The following GPATCH8 variants were observed in gnomAD, a reference collection of about 807,000 sequenced individuals.
The protein encoded by GPATCH8 is G-patch domain containing 8.
GPATCH8 carries 18 observed loss-of-function variants against 118.3 expected under a neutral mutation model. The observed-to-expected ratio is 0.15, with a 90% CI of 0.11 to 0.23. The LOEUF is 0.23. Among genes scored for constraint, GPATCH8 ranks in the 10% least tolerant of loss-of-function variants. The pLI is 1.00. For synonymous variants in GPATCH8, 659 were observed against 684.7 expected (o/e 0.96, Z 0.59); for missense variants, 1,631 against 1,873.8 (o/e 0.87, Z 2.39).
intron 6 of GPATCH8, among the ~76,000 whole-genome samples, chr17:44,414,564 C>T (rs1315614502): frequency 1.3e-5 from 2 of 152,214 alleles, no homozygotes; most frequent in East Asian, 3.8e-4. Flanking sequence ...CTGCCTTGGC[C>T]TCCCAAAGTG....
At chr17:44,447,662 A>C (rs34296662) in intron 3 of GPATCH8, among the ~76,000 whole-genome samples, 6,170 of 148,614 alleles carry the variant, frequency 0.042, 417 homozygotes, top group African/African-American at 0.15. Flanking sequence ...TCTATGGCTC[A>C]GGCTGGAGAT....
At chr17:44,428,879 T>C (rs781645233) in intron 5 of GPATCH8, among the ~76,000 whole-genome samples, 3 of 151,702 alleles carry the variant, frequency 2.0e-5, no homozygotes, top group South Asian at 2.1e-4. Flanking sequence ...CGCTGGCTCA[T>C]GCCTGTAATC....
rs771690850 is a variant in GPATCH8 at position 44,399,418 on chromosome 17, G to A, written c.2659C>T (p.Arg887Cys). 2.2e-5 allele frequency: 35 copies of A among 1,613,754 alleles called. 1 individual carries two copies. The South Asian group carries it at 2.6e-4, about 12-fold the overall frequency. ...CTGTAGCTGTCATCAGAGTAACTGC[G>A]CTGTCTACTATAGCAGCTCTGGTCT... ...SSDQSCYSRQ[R>C]SYSDDSYSDY... Residue 887 changes from arginine (R) to cysteine (C), a missense_variant, in exon 8 of 8, where the codon CGC (arginine) becomes TGC (cysteine). Physicochemically the swap from Arg to Cys is radical, Grantham distance 180. Around this residue, in one of 8 missense-constraint regions of GPATCH8, gnomAD observed 922 missense variants for 879.7 expected, o/e 1.05. Coordinates refer to ENST00000591680, the MANE Select transcript of GPATCH8 (RefSeq NM_001002909.4).
intron 3 of GPATCH8, among the ~76,000 whole-genome samples, chr17:44,453,498 G>GTGTGTGT (rs1298562128): frequency 0.016 from 2,084 of 130,116 alleles, 61 homozygotes; most frequent in Middle Eastern, 0.019. Flanking sequence ...TAGGTAGGTA[G>GTGTGTGT]GGGTGTGTGT....
intron 6 of GPATCH8, among the ~76,000 whole-genome samples, chr17:44,416,158 C>T (rs997237278): frequency 1.4e-4 from 21 of 152,248 alleles, no homozygotes; most frequent in Non-Finnish European, 1.6e-4. Context: ...TGTGCCACCA[C>T]GCCCAGCTAA....
chr17:44,426,239 G>C (rs114607619), intron 5 of GPATCH8, among the ~76,000 whole-genome samples: 1,860 of 152,332 alleles, frequency 0.012, 33 homozygotes, highest in African/African-American at 0.037. Context: ...GGGTGGATGA[G>C]GAAACATTTG....
intron 3 of GPATCH8, among the ~76,000 whole-genome samples, chr17:44,448,123 AT>A (rs985619493): frequency 4.6e-5 from 7 of 152,192 alleles, no homozygotes; most frequent in African/African-American, 1.7e-4. Context: ...TAAATTTGGC[AT>A]TTTTGAAAGT....
At chr17:44,446,747 C>A (rs2050898532) in intron 3 of GPATCH8, among the ~76,000 whole-genome samples, 1 of 152,100 alleles carries the variant, frequency 6.6e-6, no homozygotes, top group Non-Finnish European at 1.5e-5. Flanking sequence ...TCCATAGCTA[C>A]ACTGAAAATT....
intron 1 of GPATCH8, chr17:44,486,419 T>C (rs905161525): frequency 3.9e-5 from 6 of 152,196 alleles, no homozygotes; most frequent in African/African-American, 1.4e-4. Flanking sequence ...ATTAAGGGCA[T>C]TTTTTTGTAA....
chr17:44,406,270 G>A (rs538925576), intron 6 of GPATCH8, among the ~76,000 whole-genome samples: 1 of 152,242 alleles, frequency 6.6e-6, no homozygotes, highest in South Asian at 2.1e-4. Context: ...CATATCATTT[G>A]CTTTATTAGG....
intron 3 of GPATCH8, among the ~76,000 whole-genome samples, chr17:44,446,641 T>C (rs1025920841): frequency 5.9e-5 from 9 of 152,110 alleles, no homozygotes. Flanking sequence ...AATATTTGAG[T>C]AGAAAATATC....
Position 44,458,203 on chromosome 17 carries a change from A to G in GPATCH8, c.193+6269T>C, listed in dbSNP as rs577917088. ...GAGATCAAGGCTGCAGTGAGCTATG[A>G]TTATGCCACTGTACTCCAGCCTGGG... is the stretch of plus-strand genomic sequence containing the variant. On this transcript the variant is annotated intron_variant, in intron 3 of 7. Transcript: ENST00000591680. Among the ~76,000 whole-genome samples, 46 of 147,566 alleles carry G rather than the reference A, an allele frequency of 3.1e-4. No homozygotes were observed. The South Asian group carries it at 0.01, about 33-fold the overall frequency.
intron 2 of GPATCH8, chr17:44,473,400 C>G (rs2144370634): frequency 6.6e-6 from 1 of 152,352 alleles, no homozygotes; most frequent in African/African-American, 2.4e-5. Context: ...TCCCAAAGTG[C>G]TGGGATTACA....
intron 5 of GPATCH8, among the ~76,000 whole-genome samples, chr17:44,428,760 T>C (rs2050182354): frequency 6.6e-6 from 1 of 151,834 alleles, no homozygotes. Context: ...CTGTGATCAC[T>C]GCCACCGCAC....
chr17:44,430,792 A>G (rs974779852), intron 5 of GPATCH8, among the ~76,000 whole-genome samples: 12 of 148,954 alleles, frequency 8.1e-5, no homozygotes, highest in African/African-American at 2.9e-4. Context: ...ACAGGCACAC[A>G]ACACCACGCC....
chr17:44,403,641 C>T (rs1415971031), intron 7 of GPATCH8, among the ~76,000 whole-genome samples: 1 of 152,040 alleles, frequency 6.6e-6, no homozygotes, highest in African/African-American at 2.4e-5. Flanking sequence ...CCCTAGCTAA[C>T]AGCTTTCCTC....
chr17:44,478,317 A>G (rs77542460), intron 1 of GPATCH8, among the ~76,000 whole-genome samples: 6,214 of 152,326 alleles, frequency 0.041, 179 homozygotes, highest in Non-Finnish European at 0.059. Context: ...GTACAGCTGA[A>G]TATCGATTCT....
At chr17:44,497,215 T>A (rs1209493385) in intron 1 of GPATCH8, among the ~76,000 whole-genome samples, 1 of 152,126 alleles carries the variant, frequency 6.6e-6, no homozygotes, top group Non-Finnish European at 1.5e-5. Flanking sequence ...AGAAACTAAG[T>A]CACAAGAGCA....
At chr17:44,413,553 C>G (rs1342659374) in intron 6 of GPATCH8, among the ~76,000 whole-genome samples, 1 of 152,176 alleles carries the variant, frequency 6.6e-6, no homozygotes, top group African/African-American at 2.4e-5. Context: ...GCGATCTTGG[C>G]TCACTGCAAC....
Sources: allele counts gnomAD v4.1 joint callset (sites outside exome capture counted in the v4.1 genomes callset), GRCh38; gene constraint gnomAD v4.1.1; regional missense constraint gnomAD v4.1.1; transcripts MANE v1.5; gene names NCBI Gene and HGNC (gene_info 2026-07-23, HGNC 2026-07-21).